Variants in NPHP1 observed in about 807,000 individuals in gnomAD.
NPHP1 encodes the protein nephrocystin 1, also known as nephrocystin-1.
In NPHP1, 70 loss-of-function variants were observed where a neutral mutation model predicts 90.4. That is an observed-to-expected ratio of 0.77 (90% confidence interval 0.64 to 0.95). The LOEUF (loss-of-function observed/expected upper bound fraction) is 0.95. NPHP1 is among the 40% of genes least tolerant of loss of function. The pLI is 0.00. For synonymous variants in NPHP1, 256 were observed against 271.7 expected (o/e 0.94, Z 0.57); for missense variants, 764 against 795.9 (o/e 0.96, Z 0.48).
intron 18 of NPHP1, chr2:110,128,659 T>C (rs1435438655): frequency 6.2e-6 from 1 of 161,464 alleles, no homozygotes; most frequent in Non-Finnish European, 1.4e-5. Flanking sequence ...GTTACCTGTG[T>C]ATCTGCCTTG....
chr2:110,203,091 A>T (rs56329304), intron 1 of NPHP1, among the ~76,000 whole-genome samples: 5,779 of 152,284 alleles, frequency 0.038, 183 homozygotes, highest in East Asian at 0.083. Flanking sequence ...ATATGCAACC[A>T]TAAAAAAGAA....
At chr2:110,200,046 G>C (rs527707391) in intron 2 of NPHP1, among the ~76,000 whole-genome samples, 4 of 149,768 alleles carry the variant, frequency 2.7e-5, no homozygotes, top group Non-Finnish European at 5.9e-5. Flanking sequence ...ATGAGGTCAG[G>C]AGATTGAGAC....
chr2:110,137,567 T>C (rs1363715801), intron 16 of NPHP1, among the ~76,000 whole-genome samples: 2 of 151,958 alleles, frequency 1.3e-5, no homozygotes, highest in Non-Finnish European at 2.9e-5. Flanking sequence ...AAAAAACACA[T>C]GAAAAAATGC....
chr2:110,143,682 A>T (rs758990467), intron 15 of NPHP1, 41 bp from the exon 16 acceptor site: 1 of 1,326,220 alleles, frequency 7.5e-7, no homozygotes, highest in Non-Finnish European at 1.1e-6. Context: ...AACTTTAAGT[A>T]CTTGAGACAG....
At chr2:110,172,599 A>G (rs1197806512) in intron 4 of NPHP1, among the ~76,000 whole-genome samples, 2 of 152,084 alleles carry the variant, frequency 1.3e-5, no homozygotes, top group Non-Finnish European at 2.9e-5. Flanking sequence ...TGAGCAATAT[A>G]GTGAGACCCT....
intron 9 of NPHP1, among the ~76,000 whole-genome samples, chr2:110,162,515 C>G (rs1682419693): frequency 6.6e-6 from 1 of 152,054 alleles, no homozygotes; most frequent in South Asian, 2.1e-4. Context: ...CACCCCTTGT[C>G]CCCCAGCATG....
chr2:110,134,231 A>G (rs915173619), intron 16 of NPHP1, among the ~76,000 whole-genome samples: 2 of 152,082 alleles, frequency 1.3e-5, no homozygotes, highest in Non-Finnish European at 2.9e-5. Flanking sequence ...TATGCCAACA[A>G]GTTGGATGAC....
intron 12 of NPHP1, among the ~76,000 whole-genome samples, chr2:110,148,669 G>A (rs2104499786): frequency 6.6e-6 from 1 of 152,148 alleles, no homozygotes; most frequent in South Asian, 2.1e-4. Context: ...TTAGAGTAGA[G>A]GCTAATAGTA....
rs147090619 is a variant in NPHP1, at chr2:110,129,209, G to C, written c.1693C>G (p.Pro565Ala). Reference protein sequence around the residue: ...LATFPMLLEQPDVMDALRSSW... With the variant: ...LATFPMLLEQADVMDALRSSW... Reference sequence around the variant, plus strand: ...ACCCTGAGAGCATCCATCACATCAGGCTGCTCCAAGAGCATGGGGAAGGTG... The same window carrying C: ...ACCCTGAGAGCATCCATCACATCAGCCTGCTCCAAGAGCATGGGGAAGGTG... Residue 565 changes from proline to alanine, a missense_variant, in exon 18 of 20, where the codon CCT (proline) becomes GCT (alanine). Pro to Ala is a conservative substitution (Grantham distance 27). Coordinates refer to ENST00000445609, the MANE Select transcript of NPHP1 (RefSeq NM_001128178.3). The C allele has an allele frequency of 4.3e-6, 7 of 1,613,388 alleles. No individual in the cohort carries two copies. Among genetic ancestry groups the C allele is most frequent in the Non-Finnish European group, 2.5e-6 (3 of 1,179,520 alleles).
intron 11 of NPHP1, among the ~76,000 whole-genome samples, chr2:110,156,780 G>GT (rs59532714): frequency 0.031 from 4,334 of 139,236 alleles, 96 homozygotes; most frequent in South Asian, 0.069. Flanking sequence ...TTTGGTTTCT[G>GT]TTTTTTTTTT....
intron 4 of NPHP1, among the ~76,000 whole-genome samples, chr2:110,171,687 G>A (rs999579724): frequency 3.9e-5 from 6 of 152,010 alleles, no homozygotes; most frequent in Admixed American, 2.0e-4. Context: ...ACTTGATAAC[G>A]GTTTTTCCCC....
chr2:110,168,099 T>C (rs1328762977), intron 6 of NPHP1, among the ~76,000 whole-genome samples: 2 of 152,198 alleles, frequency 1.3e-5, no homozygotes, highest in East Asian at 3.8e-4. Context: ...GTATAGTATG[T>C]TCACATTTTA....
rs201478764 is a variant in NPHP1, at chr2:110,163,140, A to G, written c.772-5T>C. 5.7e-6 allele frequency: 9 copies of G among 1,591,188 alleles called. No individual in the cohort carries two copies. In the East Asian group the frequency reaches 1.8e-4, roughly 32 times the overall value. ...CACATCAACAGTGTTTATCTGCTGA[A>G]GACAGTAACATCAAAATGGATTTGT... On this transcript the variant is annotated splice_region_variant and splice_polypyrimidine_tract_variant and intron_variant, in intron 8 of 19. Transcript: ENST00000445609.
At chr2:110,194,370 T>C (rs1684988163) in intron 2 of NPHP1, among the ~76,000 whole-genome samples, 1 of 152,122 alleles carries the variant, frequency 6.6e-6, no homozygotes, top group South Asian at 2.1e-4. Flanking sequence ...CAGAGAATAC[T>C]ATAAACACCT....
At chr2:110,204,775 T>C in intron 1 of NPHP1, 125 bp downstream of exon 1, 4 of 933,776 alleles carry the variant, frequency 4.3e-6, no homozygotes, top group Non-Finnish European at 6.9e-6. Flanking sequence ...CGTTACAACC[T>C]GGGAAGGTAA....
At chr2:110,160,296 T>C (rs760739333) in intron 10 of NPHP1, 41 bp from the exon 11 acceptor site, 2 of 1,485,904 alleles carry the variant, frequency 1.3e-6, no homozygotes, top group South Asian at 1.1e-5. Context: ...ATTTTTATGA[T>C]TTCTAACACA....
At chr2:110,125,329 G>T in intron 19 of NPHP1, 1 of 1,520,652 alleles carries the variant, frequency 6.6e-7, no homozygotes, top group Non-Finnish European at 8.7e-7. Context: ...GAGAGCTAGA[G>T]AAGTTTTTTA....
At position 110,181,038 on chromosome 2, in the gene NPHP1, G is replaced by GCCCCACTTCCATGGC. The variant is rs935095236; in HGVS notation, c.144-1369_144-1355dup. On this transcript the variant is annotated intron_variant, in intron 2 of 19. Coordinates refer to ENST00000445609, the MANE Select transcript of NPHP1 (RefSeq NM_001128178.3). ...GGAGCCAAGCAGCATTGTTCCGTGG[G>GCCCCACTTCCATGGC]CCCCACTTCCATGGCCCCCACTTCC... Among the ~76,000 whole-genome samples the GCCCCACTTCCATGGC allele has an allele frequency of 3.3e-5, 5 of 152,224 alleles. No individual in the cohort carries two copies. In the East Asian group the frequency reaches 9.7e-4, roughly 29 times the overall value.
chr2:110,198,658 C>T (rs189364450), intron 2 of NPHP1, among the ~76,000 whole-genome samples: 3 of 152,180 alleles, frequency 2.0e-5, no homozygotes, highest in Admixed American at 6.5e-5. Context: ...AAAGAAGTTT[C>T]CCATACACCA....
Sources: gnomAD v4.1 joint callset for allele counts (sites outside exome capture counted in the v4.1 genomes callset) on GRCh38, gnomAD v4.1.1 for gene constraint, MANE v1.5 for transcripts, NCBI Gene and HGNC (gene_info 2026-07-23, HGNC 2026-07-21) for gene names.